The following RIMS2 variants were observed in gnomAD, a reference collection of about 807,000 sequenced individuals.
The protein encoded by RIMS2 is regulating synaptic membrane exocytosis 2.
Under a neutral mutation model 174.4 loss-of-function variants are expected in RIMS2, and 59 were observed. The ratio of observed to expected loss-of-function variants is 0.34; its 90% CI spans 0.27 to 0.42. RIMS2 has a LOEUF of 0.42. Among genes scored for constraint, RIMS2 ranks in the 10% least tolerant of loss-of-function variants. The pLI is 1.00. For synonymous variants in RIMS2, 606 were observed against 572.5 expected (o/e 1.06, Z -0.84); for missense variants, 1,620 against 1,666.3 (o/e 0.97, Z 0.48).
At position 103,534,729 on chromosome 8, in the gene RIMS2, CATT is replaced by C. The variant is rs1839000969; in HGVS notation, c.176+33671_176+33673del. 2.0e-5 allele frequency among the ~76,000 whole-genome samples: 3 copies of C among 152,106 alleles called. No individual in the cohort carries two copies. The South Asian group carries it at 6.2e-4, about 31-fold the overall frequency. ...AATATTTTCCCCCCAAAGAGAATTCCATTATTCTCATCAGTAGACCTGTATTAT... is the reference window on the plus strand; with the variant it reads ...AATATTTTCCCCCCAAAGAGAATTCCATTCTCATCAGTAGACCTGTATTAT... On this transcript the variant is annotated intron_variant, in intron 1 of 23. Transcript: ENST00000504942.
At chr8:103,526,441 T>C (rs545324551) in intron 1 of RIMS2, among the ~76,000 whole-genome samples, 1 of 152,226 alleles carries the variant, frequency 6.6e-6, no homozygotes, top group Admixed American at 6.5e-5. Flanking sequence ...ATACAAGACA[T>C]AAGTTATATG....
chr8:104,076,963 C>T (rs992115205), intron 19 of RIMS2, among the ~76,000 whole-genome samples: 8 of 151,814 alleles, frequency 5.3e-5, no homozygotes, highest in South Asian at 4.2e-4. Context: ...ATTACAGGCA[C>T]GTGCCACCAC....
chr8:103,895,973 A>C (rs1355036811), intron 4 of RIMS2, among the ~76,000 whole-genome samples: 1 of 151,566 alleles, frequency 6.6e-6, no homozygotes, highest in East Asian at 1.9e-4. Context: ...TGGTATACAG[A>C]CACATTTAAA....
At chr8:104,122,426 T>C (rs1000187586) in intron 19 of RIMS2, among the ~76,000 whole-genome samples, 15 of 152,208 alleles carry the variant, frequency 9.9e-5, no homozygotes, top group Admixed American at 7.2e-4. Flanking sequence ...GGTGATCTTA[T>C]ACAAAGCAGT....
intron 19 of RIMS2, among the ~76,000 whole-genome samples, chr8:104,200,835 G>A (rs1224872591): frequency 1.3e-5 from 2 of 152,158 alleles, no homozygotes. Flanking sequence ...GATCACTGGA[G>A]CCCAGGAGGT....
At chr8:103,565,912 C>T (rs1207190721) in intron 1 of RIMS2, among the ~76,000 whole-genome samples, 1 of 152,090 alleles carries the variant, frequency 6.6e-6, no homozygotes, top group East Asian at 1.9e-4. Context: ...GGAGTATAGG[C>T]CTACTCAGGA....
At chr8:103,561,884 C>T (rs545676821) in intron 1 of RIMS2, among the ~76,000 whole-genome samples, 52 of 152,188 alleles carry the variant, frequency 3.4e-4, no homozygotes, top group Admixed American at 3.3e-4. Context: ...ACAATCATGG[C>T]GGAAGGCAAG....
At chr8:103,897,082 A>G (rs1405272757) in intron 4 of RIMS2, among the ~76,000 whole-genome samples, 1 of 151,486 alleles carries the variant, frequency 6.6e-6, no homozygotes, top group Non-Finnish European at 1.5e-5. Context: ...CCTTATTCCC[A>G]TGGATATTTT....
At chr8:103,519,871 G>C (rs1830804980) in intron 1 of RIMS2, among the ~76,000 whole-genome samples, 1 of 151,350 alleles carries the variant, frequency 6.6e-6, no homozygotes, top group Non-Finnish European at 1.5e-5. Flanking sequence ...TATTCATCTG[G>C]TTAGAGCTTA....
chr8:103,644,570 A>G (rs1263766842), intron 1 of RIMS2, among the ~76,000 whole-genome samples: 1 of 152,016 alleles, frequency 6.6e-6, no homozygotes, highest in Non-Finnish European at 1.5e-5. Flanking sequence ...CATTATCTCA[A>G]CATTTTAATT....
intron 19 of RIMS2, among the ~76,000 whole-genome samples, chr8:104,180,361 G>T (rs578064850): frequency 0.014 from 1,972 of 139,886 alleles, 21 homozygotes; most frequent in Non-Finnish European, 0.022. Flanking sequence ...TCTTAGTGAG[G>T]TTTTTTTTTT....
At chr8:104,206,899 A>G (rs1228199163) in intron 19 of RIMS2, among the ~76,000 whole-genome samples, 2 of 152,244 alleles carry the variant, frequency 1.3e-5, no homozygotes, top group Non-Finnish European at 2.9e-5. Flanking sequence ...TCTGTATGGA[A>G]GAAAGCAGAA....
exon 17 of RIMS2, chr8:103,989,393 G>T: frequency 1.2e-6 from 2 of 1,604,568 alleles, no homozygotes; most frequent in Non-Finnish European, 8.5e-7. Flanking sequence ...TCGTGTCATG[G>T]ATGACCATTA....
intron 3 of RIMS2, among the ~76,000 whole-genome samples, chr8:103,795,201 T>C (rs1446902624): frequency 1.3e-5 from 2 of 152,170 alleles, no homozygotes; most frequent in Non-Finnish European, 2.9e-5. Context: ...TCATCAATGA[T>C]AGACTGGATT....
chr8:103,828,316 C>T (rs1015801991), intron 3 of RIMS2, among the ~76,000 whole-genome samples: 1 of 152,144 alleles, frequency 6.6e-6, no homozygotes, highest in Non-Finnish European at 1.5e-5. Context: ...ACCATCCGGA[C>T]TTAAAGTTTT....
At chr8:104,234,213 C>T (rs2099246861) in intron 19 of RIMS2, among the ~76,000 whole-genome samples, 1 of 151,994 alleles carries the variant, frequency 6.6e-6, no homozygotes, top group African/African-American at 2.4e-5. Flanking sequence ...AGTTACCTGC[C>T]CAAAATTTGC....
At chr8:104,087,364 AT>A (rs1447363109) in intron 19 of RIMS2, among the ~76,000 whole-genome samples, 1 of 152,124 alleles carries the variant, frequency 6.6e-6, no homozygotes, top group African/African-American at 2.4e-5. Flanking sequence ...AAATAGCTGG[AT>A]AGATGATTGA....
intron 2 of RIMS2, among the ~76,000 whole-genome samples, chr8:103,754,174 A>G (rs1358673378): frequency 6.6e-6 from 1 of 152,006 alleles, no homozygotes; most frequent in Admixed American, 6.6e-5. Flanking sequence ...TTCTGCCTTC[A>G]TTTCGTTATG....
intron 3 of RIMS2, among the ~76,000 whole-genome samples, chr8:103,824,115 C>A (rs2098771365): frequency 6.6e-6 from 1 of 151,974 alleles, no homozygotes; most frequent in Non-Finnish European, 1.5e-5. Context: ...TAGCAATATA[C>A]TACAATTATT....
Sources: allele counts gnomAD v4.1 joint callset (sites outside exome capture counted in the v4.1 genomes callset), GRCh38; gene constraint gnomAD v4.1.1; transcripts MANE v1.5; gene names NCBI Gene and HGNC (gene_info 2026-07-23, HGNC 2026-07-21).